NCOA3: variants seen among roughly 807,000 people sequenced by gnomAD.
NCOA3 encodes the protein CBP-interacting protein.
A neutral mutation model predicts 158.8 loss-of-function variants in NCOA3; 51 were observed. The ratio of observed to expected loss-of-function variants is 0.32; its 90% CI spans 0.26 to 0.41. NCOA3 has a LOEUF of 0.41. Among genes scored for constraint, NCOA3 ranks in the 10% least tolerant of loss-of-function variants. The pLI, the probability that NCOA3 is intolerant of heterozygous loss-of-function variation, is 1.00. For synonymous variants in NCOA3, 537 were observed against 592.4 expected (o/e 0.91, Z 1.36); for missense variants, 1,510 against 1,746.6 (o/e 0.86, Z 2.41).
At chr20:47,509,062 G>GCTTTTT (rs2084073337) in intron 1 of NCOA3, among the ~76,000 whole-genome samples, 1 of 152,116 alleles carries the variant, frequency 6.6e-6, no homozygotes, top group Non-Finnish European at 1.5e-5. Flanking sequence ...CTTTATACCA[G>GCTTTTT]ATAACCGTGT....
rs1040968548 is a variant in NCOA3 at position 47,628,100 on chromosome 20, C to T, written c.823+77C>T. On this transcript the variant is annotated intron_variant, in intron 8 of 22. Transcript: ENST00000371998. ...ATTTTGGAAATTTTTGTAAATGTTA[C>T]TATTTTTAATCTGTACTATCATAGA... 3.9e-6 allele frequency: 4 copies of T among 1,024,870 alleles called. No homozygotes were observed. In the African/African-American group the frequency reaches 6.4e-5, roughly 16 times the overall value. 63.5% of individuals were successfully genotyped at this position (1,024,870 alleles called of 1,614,324 possible).
At chr20:47,505,950 G>A (rs1374658075) in intron 1 of NCOA3, among the ~76,000 whole-genome samples, 1 of 151,882 alleles carries the variant, frequency 6.6e-6, no homozygotes, top group Non-Finnish European at 1.5e-5. Context: ...GACTACCGGC[G>A]CTCGCCACCA....
intron 17 of NCOA3, among the ~76,000 whole-genome samples, 158 bp downstream of exon 17, chr20:47,642,542 T>C (rs1012684849): frequency 6.6e-6 from 1 of 152,212 alleles, no homozygotes; most frequent in Non-Finnish European, 1.5e-5. Context: ...TTGGAAAATA[T>C]CCTTTTTTGG....
intron 1 of NCOA3, among the ~76,000 whole-genome samples, chr20:47,507,529 T>G (rs974489106): frequency 1.3e-5 from 2 of 152,106 alleles, no homozygotes; most frequent in African/African-American, 4.8e-5. Flanking sequence ...AGGTGACTGG[T>G]GCTGTTAATT....
intron 1 of NCOA3, among the ~76,000 whole-genome samples, chr20:47,575,326 G>A (rs978676147): frequency 7.9e-5 from 12 of 152,144 alleles, no homozygotes; most frequent in South Asian, 2.1e-4. Context: ...CTATATATAC[G>A]TATATGTAAA....
At chr20:47,578,993 T>C (rs1256002782) in intron 1 of NCOA3, among the ~76,000 whole-genome samples, 1 of 152,254 alleles carries the variant, frequency 6.6e-6, no homozygotes, top group Non-Finnish European at 1.5e-5. Context: ...TTATATAGTT[T>C]GGATTTTCCT....
chr20:47,569,592 A>G (rs1691942761), intron 1 of NCOA3, among the ~76,000 whole-genome samples: 1 of 151,976 alleles, frequency 6.6e-6, no homozygotes. Flanking sequence ...CTGAGGCACA[A>G]GAATTGCTTG....
chr20:47,623,842 C>A, intron 3 of NCOA3, 69 bp from the exon 4 acceptor site: 1 of 1,426,754 alleles, frequency 7.0e-7, no homozygotes, highest in Non-Finnish European at 9.6e-7. Context: ...GGGGCTGATT[C>A]TGCTAACAGC....
intron 1 of NCOA3, among the ~76,000 whole-genome samples, chr20:47,543,586 C>T (rs953653899): frequency 2.6e-5 from 4 of 151,564 alleles, no homozygotes; most frequent in East Asian, 1.9e-4. Flanking sequence ...CTCGGCTCAC[C>T]GCAACCTCCA....
intron 22 of NCOA3, 35 bp from the exon 23 acceptor site, chr20:47,653,368 ATTT>A (rs545375540): frequency 5.5e-3 from 7,480 of 1,362,644 alleles, no homozygotes; most frequent in East Asian, 0.013. Flanking sequence ...TGTTTTACTC[ATTT>A]TTTTTTTTTT....
At chr20:47,568,875 G>GTC (rs1421165014) in intron 1 of NCOA3, among the ~76,000 whole-genome samples, 1 of 152,082 alleles carries the variant, frequency 6.6e-6, no homozygotes, top group Non-Finnish European at 1.5e-5. Flanking sequence ...CTGGGTGAAG[G>GTC]TCTTGCCTCA....
At chr20:47,593,067 C>G (rs3787232) in intron 2 of NCOA3, among the ~76,000 whole-genome samples, 20,652 of 151,884 alleles carry the variant, frequency 0.14, 2,025 homozygotes, top group African/African-American at 0.26. Flanking sequence ...TCAAGTAGCT[C>G]GGGTTACAGG....
Position 47,636,293 on chromosome 20 carries a change from C to T in NCOA3, c.1907C>T (p.Ser636Phe). The change falls in exon 12 of 23, where the codon TCC becomes TTC. Residue 636 changes from serine (S) to phenylalanine (F), a missense_variant. Around this residue, in one of 4 missense-constraint regions of NCOA3, gnomAD observed 1,017 missense variants for 1,098.3 expected, o/e 0.93. Transcript: ENST00000371998. ...TCSSDDRGHS[S>F]LTNSPLDSSC... ...TCTTCTGATGACCGGGGTCATTCCT[C>T]CTTGACCAACTCCCCCCTAGATTCA... The T allele has an allele frequency of 6.2e-7, 1 of 1,614,174 alleles. No individual in the cohort carries two copies. Among genetic ancestry groups the T allele is most frequent in the Non-Finnish European group, 8.5e-7 (1 of 1,180,030 alleles).
rs540195335 is a variant in NCOA3 at position 47,547,882 on chromosome 20, A to C, written c.-98-35301A>C. On this transcript the variant is annotated intron_variant, in intron 1 of 22. Transcript: ENST00000371998. ...AGGCGCCTGCCACCACCCCCTGCTA[A>C]TTATTTTATTTTATTTTATTTTTAT... 7.9e-5 allele frequency among the ~76,000 whole-genome samples: 12 copies of C among 151,718 alleles called. No individual in the cohort carries two copies. The South Asian group carries it at 2.3e-3, about 29-fold the overall frequency.
Position 47,635,418 on chromosome 20 carries a change from G to T in NCOA3, c.1209G>T (p.Met403Ile). ...GCNSSVGGMS[M>I]SPNQGLQMPS... ...ACAGTTCGGTAGGCGGCATGAGTAT[G>T]TCGCCAAACCAAGGCTTACAGATGC... The change falls in exon 11 of 23, where the codon ATG (methionine) becomes ATT (isoleucine). Residue 403 changes from methionine (M) to isoleucine (I), a missense_variant. This residue lies in a region of NCOA3 where 1,017 missense variants were observed against 1,098.3 expected (regional missense o/e 0.93). Coordinates refer to ENST00000371998, the MANE Select transcript of NCOA3 (RefSeq NM_181659.3). 1 of 1,614,168 alleles carries T rather than the reference G, an allele frequency of 6.2e-7. No individual in the cohort carries two copies. Among genetic ancestry groups the T allele is most frequent in the Non-Finnish European group, 8.5e-7 (1 of 1,180,036 alleles).
chr20:47,511,401 C>T lies in NCOA3; in HGVS notation c.-99+9382C>T, dbSNP rs2084125125. Among the ~76,000 whole-genome samples the T allele has an allele frequency of 5.1e-5, 7 of 136,088 alleles. No homozygotes were observed. The Admixed American group carries it at 5.4e-4, about 10-fold the overall frequency. The allele number at this position is 136,088 out of a possible 152,430, so 89.3% of individuals were successfully genotyped here. ...TAGCTGGGACTACACGTGTCCACCACCATGCCTAATTTTTTTTTTTTTTTT... is the reference window on the plus strand; with the variant it reads ...TAGCTGGGACTACACGTGTCCACCATCATGCCTAATTTTTTTTTTTTTTTT... On this transcript the variant is annotated intron_variant, in intron 1 of 22. Coordinates refer to ENST00000371998, the MANE Select transcript of NCOA3 (RefSeq NM_181659.3).
chr20:47,572,756 T>C (rs2085314004), intron 1 of NCOA3, among the ~76,000 whole-genome samples: 1 of 152,102 alleles, frequency 6.6e-6, no homozygotes, highest in Admixed American at 6.6e-5. Context: ...AGGCTGCTCT[T>C]GGGCTCCTGA....
intron 1 of NCOA3, among the ~76,000 whole-genome samples, chr20:47,537,654 A>T (rs1568664182): frequency 6.8e-6 from 1 of 148,056 alleles, no homozygotes; most frequent in African/African-American, 2.5e-5. Flanking sequence ...ATCTCAGCTC[A>T]CTGGAACCTC....
chr20:47,504,220 C>T (rs1050562780), intron 1 of NCOA3, among the ~76,000 whole-genome samples: 2 of 152,100 alleles, frequency 1.3e-5, no homozygotes, highest in African/African-American at 4.8e-5. Flanking sequence ...AATAATTTAA[C>T]TGTATTTTGA....
Sources: gnomAD v4.1 joint callset for allele counts (sites outside exome capture counted in the v4.1 genomes callset) on GRCh38, gnomAD v4.1.1 for gene constraint, gnomAD v4.1.1 regional missense constraint, MANE v1.5 for transcripts, NCBI Gene and HGNC (gene_info 2026-07-23, HGNC 2026-07-21) for gene names.